The following SLC35F1 variants were observed in gnomAD, a reference collection of about 807,000 sequenced individuals.
The protein encoded by SLC35F1 is chromosome 6 open reading frame 169.
Under a neutral mutation model 48.7 loss-of-function variants are expected in SLC35F1, and 14 were observed. The observed-to-expected ratio is 0.29, with a 90% CI of 0.19 to 0.45. The LOEUF is 0.45. Ranked by LOEUF, SLC35F1 falls within the 20% of genes least tolerant of loss-of-function variation. The pLI, the probability that SLC35F1 is intolerant of heterozygous loss-of-function variation, is 1.00. For missense variants in SLC35F1, 404 were observed against 500.0 expected (o/e 0.81, Z 1.83); for synonymous variants, 190 against 202.2 (o/e 0.94, Z 0.51).
At chr6:117,994,452 A>G (rs990183169) in intron 1 of SLC35F1, among the ~76,000 whole-genome samples, 8 of 152,178 alleles carry the variant, frequency 5.3e-5, no homozygotes, top group Non-Finnish European at 8.8e-5. Flanking sequence ...GGATATGGAC[A>G]GCTTTGGGAA....
At chr6:118,075,130 G>C (rs1339626785) in intron 1 of SLC35F1, among the ~76,000 whole-genome samples, 1 of 152,106 alleles carries the variant, frequency 6.6e-6, no homozygotes, top group East Asian at 1.9e-4. Flanking sequence ...TGGGAATTTT[G>C]GATCTTCAGA....
intron 3 of SLC35F1, among the ~76,000 whole-genome samples, chr6:118,262,852 T>A (rs2114615804): frequency 6.6e-6 from 1 of 152,216 alleles, no homozygotes; most frequent in South Asian, 2.1e-4. Context: ...TTTGGGAGAC[T>A]GAGGCAGGAG....
At chr6:118,138,111 C>CATAG (rs1258750013) in intron 1 of SLC35F1, among the ~76,000 whole-genome samples, 1 of 151,976 alleles carries the variant, frequency 6.6e-6, no homozygotes, top group African/African-American at 2.4e-5. Flanking sequence ...AGGTTCGAGA[C>CATAG]CAGCCTGGGC....
chr6:117,953,174 C>T (rs568913451), intron 1 of SLC35F1, among the ~76,000 whole-genome samples: 1 of 152,072 alleles, frequency 6.6e-6, no homozygotes, highest in Non-Finnish European at 1.5e-5. Flanking sequence ...TTTTATATCC[C>T]TCATTGGTAT....
At chr6:118,152,526 G>T (rs1315660255) in intron 1 of SLC35F1, among the ~76,000 whole-genome samples, 3 of 152,166 alleles carry the variant, frequency 2.0e-5, no homozygotes, top group African/African-American at 7.2e-5. Flanking sequence ...TTTGACTGGG[G>T]CAGGAGAATC....
intron 1 of SLC35F1, among the ~76,000 whole-genome samples, chr6:118,022,747 ATT>A (rs34879607): frequency 0.016 from 1,958 of 120,604 alleles, 35 homozygotes; most frequent in East Asian, 0.071. Flanking sequence ...AGCTTGGACA[ATT>A]TTTTTTTTTT....
intron 1 of SLC35F1, among the ~76,000 whole-genome samples, chr6:117,932,195 G>A (rs765385768): frequency 6.6e-6 from 1 of 152,154 alleles, no homozygotes; most frequent in Non-Finnish European, 1.5e-5. Flanking sequence ...CACTAGACAC[G>A]AAATCTGCTG....
At chr6:118,246,393 A>G (rs894741408) in intron 3 of SLC35F1, among the ~76,000 whole-genome samples, 5 of 152,136 alleles carry the variant, frequency 3.3e-5, no homozygotes, top group African/African-American at 7.2e-5. Context: ...TTTTATGCCT[A>G]TTTTGCTGGA....
At chr6:118,279,829 ATC>A (rs1448969119) in intron 6 of SLC35F1, among the ~76,000 whole-genome samples, 1 of 152,148 alleles carries the variant, frequency 6.6e-6, no homozygotes. Context: ...ATTTCTCAGC[ATC>A]TGTCAATGAA....
At chr6:118,049,379 T>G (rs1772350770) in intron 1 of SLC35F1, among the ~76,000 whole-genome samples, 1 of 151,920 alleles carries the variant, frequency 6.6e-6, no homozygotes, top group African/African-American at 2.4e-5. Flanking sequence ...CTAATTAAAC[T>G]AAAGAGCTTC....
At chr6:117,991,487 G>A (rs541670109) in intron 1 of SLC35F1, among the ~76,000 whole-genome samples, 34 of 152,138 alleles carry the variant, frequency 2.2e-4, no homozygotes, top group Middle Eastern at 3.4e-3. Flanking sequence ...TTTAAATCTT[G>A]ATTTTTCACT....
chr6:117,923,650 T>TATACATATACATATATACATATAC (rs1775944677), intron 1 of SLC35F1, among the ~76,000 whole-genome samples: 1 of 44,912 alleles, frequency 2.2e-5, no homozygotes, highest in Non-Finnish European at 5.2e-5. Flanking sequence ...TATGTACATA[T>TATACATATACATATATACATATAC]GTACATATGT....
chr6:118,314,718 T>C lies in SLC35F1; in HGVS notation c.*466T>C, dbSNP rs899414728. 2 of 168,352 alleles carry C rather than the reference T, an allele frequency of 1.2e-5. No individual in the cohort carries two copies. The highest frequency in any genetic ancestry group is 4.8e-5 in the African/African-American group (2 of 42,000). The allele number at this position is 168,352 out of a possible 1,614,324, so 10.4% of individuals were successfully genotyped here. On this transcript the variant is annotated 3_prime_UTR_variant, in exon 8 of 8. Transcript: ENST00000360388. ...TATTTTTTTGCACAGACTATATGAG[T>C]GATGCATGCCACAGGAGCTCCACCC...
intron 2 of SLC35F1, among the ~76,000 whole-genome samples, chr6:118,209,814 C>T (rs575766567): frequency 6.6e-6 from 1 of 152,126 alleles, no homozygotes; most frequent in African/African-American, 2.4e-5. Flanking sequence ...TGTGAGAGTC[C>T]AGCAATGTCC....
At chr6:117,978,326 A>G (rs1367500038) in intron 1 of SLC35F1, among the ~76,000 whole-genome samples, 1 of 152,080 alleles carries the variant, frequency 6.6e-6, no homozygotes, top group Non-Finnish European at 1.5e-5. Flanking sequence ...AAGAAAATAA[A>G]TCTTACCAGA....
At chr6:118,257,852 C>T in intron 3 of SLC35F1, among the ~76,000 whole-genome samples, 1 of 152,138 alleles carries the variant, frequency 6.6e-6, no homozygotes, top group South Asian at 2.1e-4. Flanking sequence ...AATGGAAATG[C>T]TATGGAGATT....
chr6:118,175,806 A>T (rs1182428521), intron 2 of SLC35F1, among the ~76,000 whole-genome samples: 1 of 152,134 alleles, frequency 6.6e-6, no homozygotes, highest in Non-Finnish European at 1.5e-5. Flanking sequence ...GCTTAGTTTG[A>T]CCAGGCACTT....
intron 1 of SLC35F1, among the ~76,000 whole-genome samples, chr6:118,120,147 G>A (rs142324172): frequency 2.0e-5 from 3 of 152,118 alleles, no homozygotes. Flanking sequence ...AAAACCCAAA[G>A]AATTATATTC....
intron 1 of SLC35F1, among the ~76,000 whole-genome samples, chr6:118,133,335 T>C (rs1047080208): frequency 1.3e-5 from 2 of 152,128 alleles, no homozygotes; most frequent in Non-Finnish European, 2.9e-5. Context: ...AAAACTTGCC[T>C]TGACTGAGAA....
Sources: allele counts gnomAD v4.1 joint callset (sites outside exome capture counted in the v4.1 genomes callset), GRCh38; gene constraint gnomAD v4.1.1; transcripts MANE v1.5; gene names NCBI Gene and HGNC (gene_info 2026-07-23, HGNC 2026-07-21).